DMD: variants seen among roughly 807,000 people sequenced by gnomAD.
DMD encodes dystrophin, also known as mutant dystrophin.
DMD carries 63 observed loss-of-function variants against 330.1 expected under a neutral mutation model. The ratio of observed to expected loss-of-function variants is 0.19; its 90% CI spans 0.16 to 0.24. The LOEUF (loss-of-function observed/expected upper bound fraction) is 0.24, where lower values mean the gene tolerates loss of function less well. Ranked by LOEUF, DMD falls within the 10% of genes least tolerant of loss-of-function variation. The pLI is 1.00. For missense variants in DMD, 3,344 were observed against 2,684.1 expected (o/e 1.25, Z -5.43); for synonymous variants, 1,223 against 959.8 (o/e 1.27, Z -5.07).
chrX:31,604,629 A>G (rs1227473605), intron 55 of DMD, among the ~76,000 whole-genome samples: 1 of 112,235 alleles, frequency 8.9e-6, no homozygotes, highest in African/African-American at 3.2e-5. Context: ...ATATGAATTT[A>G]GAATATAAAA....
intron 44 of DMD, among the ~76,000 whole-genome samples, chrX:31,979,063 G>C (rs1258257511): frequency 9.0e-6 from 1 of 111,541 alleles, no homozygotes; most frequent in Non-Finnish European, 1.9e-5. Flanking sequence ...ATTAAATTTT[G>C]TTATTATTAG....
At chrX:32,822,961 A>C (rs976746374) in intron 5 of DMD, among the ~76,000 whole-genome samples, 1 of 111,885 alleles carries the variant, frequency 8.9e-6, no homozygotes, top group Admixed American at 9.5e-5. Context: ...GTAGTGATTA[A>C]AATAAAACAT....
chrX:32,622,605 A>G (rs981756257), intron 11 of DMD, among the ~76,000 whole-genome samples: 2 of 111,969 alleles, frequency 1.8e-5, no homozygotes, highest in Non-Finnish European at 3.8e-5. Context: ...ATTATACTTC[A>G]CATCCAATTA....
intron 60 of DMD, among the ~76,000 whole-genome samples, chrX:31,437,108 G>T (rs779826091): frequency 9.0e-6 from 1 of 111,599 alleles, no homozygotes; most frequent in Admixed American, 9.6e-5. Context: ...TTAACCCTGT[G>T]TATTTCTCAA....
intron 18 of DMD, among the ~76,000 whole-genome samples, chrX:32,505,520 G>A (rs2044527680): frequency 8.9e-6 from 1 of 112,160 alleles, no homozygotes; most frequent in Non-Finnish European, 1.9e-5. Context: ...ACCAAAAGCC[G>A]ACAGAGAAAT....
intron 2 of DMD, among the ~76,000 whole-genome samples, chrX:32,865,541 G>A (rs761197800): frequency 3.1e-4 from 35 of 112,090 alleles, no homozygotes; most frequent in East Asian, 2.0e-3. Flanking sequence ...TTCTTGGAAC[G>A]TAAGTGGACG....
chrX:31,634,280 G>A (rs922606020), intron 54 of DMD, among the ~76,000 whole-genome samples: 6 of 111,386 alleles, frequency 5.4e-5, no homozygotes, highest in East Asian at 5.6e-4. Flanking sequence ...ATGAATTAAC[G>A]AGGTTTTCAT....
At chrX:31,776,758 C>T (rs763211613) in intron 50 of DMD, among the ~76,000 whole-genome samples, 148 of 111,317 alleles carry the variant, frequency 1.3e-3, no homozygotes, top group African/African-American at 4.8e-3. Context: ...AAGGCCAGGG[C>T]CTGAGACTCA....
chrX:32,332,178 GATTA>G (rs1238179602), intron 41 of DMD, among the ~76,000 whole-genome samples: 1 of 111,162 alleles, frequency 9.0e-6, no homozygotes. Context: ...ATTCATTATT[GATTA>G]ATTACTTATT....
At chrX:32,818,909 G>GT (rs759447495) in intron 5 of DMD, among the ~76,000 whole-genome samples, 1 of 109,884 alleles carries the variant, frequency 9.1e-6, no homozygotes, top group Non-Finnish European at 1.9e-5. Flanking sequence ...CTAGCTGCAA[G>GT]TTGTCTATGG....
At chrX:31,592,425 G>A (rs2076921578) in intron 55 of DMD, among the ~76,000 whole-genome samples, 1 of 103,054 alleles carries the variant, frequency 9.7e-6, no homozygotes, top group Non-Finnish European at 2.0e-5. Context: ...ATATTTTAAT[G>A]AGGAATTTGA....
intron 67 of DMD, among the ~76,000 whole-genome samples, chrX:31,191,172 G>T (rs1041246915): frequency 9.7e-6 from 1 of 103,258 alleles, no homozygotes; most frequent in Non-Finnish European, 2.0e-5. Flanking sequence ...GGTAAAGCAG[G>T]TCTGCTAGTA....
chrX:33,338,460 A>AAAATAAATAAATAAAT (rs76681558), intron 1 of DMD, among the ~76,000 whole-genome samples: 11 of 102,254 alleles, frequency 1.1e-4, no homozygotes, highest in East Asian at 3.1e-4. Context: ...ATTAAAGGGC[A>AAAATAAATAAATAAAT]AAATAAATAA....
chrX:32,526,531 CA>C (rs767274594), intron 17 of DMD, among the ~76,000 whole-genome samples: 1 of 110,448 alleles, frequency 9.1e-6, no homozygotes, highest in African/African-American at 3.3e-5. Flanking sequence ...GCATATATAC[CA>C]AATATTCAGA....
rs1376014834 is a variant in DMD at position 33,009,441 on chromosome X, CAT to C, written c.93+10696_93+10697del. Among the ~76,000 whole-genome samples, 5 of 25,704 alleles carry C rather than the reference CAT, an allele frequency of 1.9e-4. 1 individual carries two copies. The highest frequency in any genetic ancestry group is 3.6e-4 in the Non-Finnish European group (5 of 14,056). 22.3% of individuals were successfully genotyped at this position (25,704 alleles called of 115,157 possible). A position where few individuals can be genotyped will look rare whatever the true frequency, so the allele number is the denominator to read the frequency against. On this transcript the variant is annotated intron_variant, in intron 2 of 78. Coordinates refer to ENST00000357033, the MANE Select transcript of DMD (RefSeq NM_004006.3). ...ATGTGTGTATATGTATGTGTATACA[CAT>C]ATGTATGTATGTGTATACACATATG... is the stretch of plus-strand genomic sequence containing the variant.
intron 2 of DMD, among the ~76,000 whole-genome samples, chrX:32,905,734 A>G (rs897130530): frequency 2.7e-5 from 3 of 111,979 alleles, no homozygotes; most frequent in Admixed American, 1.9e-4. Flanking sequence ...GAGATTCTCA[A>G]TCTTGGTGCT....
intron 7 of DMD, among the ~76,000 whole-genome samples, chrX:32,744,842 A>G (rs754284026): frequency 7.0e-4 from 79 of 112,158 alleles, no homozygotes; most frequent in Non-Finnish European, 1.1e-3. Context: ...TCAAATACGT[A>G]TGATTTTAGA....
chrX:32,554,835 A>G (rs60081658), intron 16 of DMD, among the ~76,000 whole-genome samples: 8 of 6,432 alleles, frequency 1.2e-3, no homozygotes, highest in African/African-American at 0.011. Context: ...GGGGAGGGAG[A>G]GAGAGAGAGA....
intron 18 of DMD, among the ~76,000 whole-genome samples, chrX:32,508,148 G>T (rs909193639): frequency 9.0e-6 from 1 of 110,897 alleles, no homozygotes; most frequent in East Asian, 2.8e-4. Context: ...ACAGTCTATA[G>T]GCTGATTACC....
Sources: gnomAD v4.1 joint callset for allele counts (sites outside exome capture counted in the v4.1 genomes callset) on GRCh38, gnomAD v4.1.1 for gene constraint, MANE v1.5 for transcripts, NCBI Gene and HGNC (gene_info 2026-07-23, HGNC 2026-07-21) for gene names.